Variants in AKAP13 observed in about 807,000 individuals in gnomAD.
AKAP13 encodes the protein A-kinase anchor protein 13.
Under a neutral mutation model 264.5 loss-of-function variants are expected in AKAP13, and 80 were observed. The observed-to-expected ratio is 0.30, with a 90% CI of 0.25 to 0.36. AKAP13 has a LOEUF of 0.36. Among genes scored for constraint, AKAP13 ranks in the 10% least tolerant of loss-of-function variants. The pLI, the probability that AKAP13 is intolerant of heterozygous loss-of-function variation, is 1.00. For missense variants in AKAP13, 3,712 were observed against 3,435.2 expected, an observed-to-expected ratio of 1.08 and a Z score of -2.01; for synonymous variants, 1,380 against 1,250.2, an observed-to-expected ratio of 1.10 and a Z score of -2.19.
intron 3 of AKAP13, among the ~76,000 whole-genome samples, chr15:85,531,195 CT>C (rs1442494867): frequency 6.6e-6 from 1 of 152,202 alleles, no homozygotes; most frequent in African/African-American, 2.4e-5. Flanking sequence ...TTTGTGAAAT[CT>C]TCCTGCTTTT....
intron 5 of AKAP13, among the ~76,000 whole-genome samples, chr15:85,574,294 C>T (rs1366049124): frequency 6.6e-6 from 1 of 152,188 alleles, no homozygotes; most frequent in African/African-American, 2.4e-5. Context: ...CTTTCATCTG[C>T]TGCAAAAAAG....
At chr15:85,692,636 C>T (rs974286225) in intron 16 of AKAP13, among the ~76,000 whole-genome samples, 5 of 152,010 alleles carry the variant, frequency 3.3e-5, no homozygotes, top group Non-Finnish European at 5.9e-5. Flanking sequence ...CTCCTCTTGC[C>T]GGTTTGAAAA....
At position 85,506,688 on chromosome 15, in the gene AKAP13, G is replaced by A. The variant is rs1178960150; in HGVS notation, c.34-14740G>A. The stretch of plus-strand genomic sequence containing the variant: ...GTCAGGGATGACCTCACTGCTAAGG[G>A]GACATATGAAGACCAATGGTTATTA... On this transcript the variant is annotated intron_variant, in intron 2 of 36. Transcript: ENST00000394518. 3.3e-5 allele frequency among the ~76,000 whole-genome samples: 5 copies of A among 152,154 alleles called. No homozygotes were observed. The East Asian group carries it at 9.6e-4, about 29-fold the overall frequency.
chr15:85,658,912 A>G (rs1239621736), intron 12 of AKAP13, among the ~76,000 whole-genome samples: 1 of 152,156 alleles, frequency 6.6e-6, no homozygotes, highest in Non-Finnish European at 1.5e-5. Flanking sequence ...AGAATTGTCT[A>G]TGTCGTGCCT....
chr15:85,442,498 T>TATA (rs1196606044), intron 1 of AKAP13, among the ~76,000 whole-genome samples: 1 of 107,534 alleles, frequency 9.3e-6, no homozygotes, highest in African/African-American at 3.7e-5. Context: ...ATAATATATA[T>TATA]TATATTATAT....
rs902161164 is a variant in AKAP13, at chr15:85,718,876, G to C, written c.6002-200G>C. 1.6e-6 allele frequency: 1 copy of C among 617,690 alleles called. No homozygotes were observed. The highest frequency in any genetic ancestry group is 1.9e-5 in the African/African-American group (1 of 53,560). 38.3% of individuals were successfully genotyped at this position (617,690 alleles called of 1,614,324 possible). The stretch of plus-strand genomic sequence containing the variant: ...GACTTCAGCCTGCACTTCAGCCTGG[G>C]TGACAGAGCCAGAACCTGTCTTAAA... On this transcript the variant is annotated intron_variant, in intron 22 of 36. Coordinates refer to ENST00000394518, the MANE Select transcript of AKAP13 (RefSeq NM_007200.5). The surrounding 1 kb of genome is among the most constrained non-coding windows in gnomAD (Gnocchi z 4.9).
rs1220237865 is a variant in AKAP13, at chr15:85,580,646, A to T, written c.2578A>T (p.Met860Leu). 6 of 1,614,078 alleles carry T rather than the reference A, an allele frequency of 3.7e-6. No individual in the cohort carries two copies. The highest frequency in any genetic ancestry group is 5.1e-6 in the Non-Finnish European group (6 of 1,180,042). The stretch of plus-strand genomic sequence containing the variant: ...CACTGCTGCAGAGCTTCAGCACGGG[A>T]TGGGGAATACCAGTCTCACAGGACT... ...SSTAAELQHG[M>L]GNTSLTGLGG... The change falls in exon 7 of 37, where the codon ATG (methionine) becomes TTG (leucine). Residue 860 changes from methionine to leucine, a missense_variant. Physicochemically the swap from Met to Leu is conservative, Grantham distance 15. Coordinates refer to ENST00000394518, the MANE Select transcript of AKAP13 (RefSeq NM_007200.5).
rs978303289 is a variant in AKAP13, at chr15:85,718,419, C to G, written c.6001+260C>G. Among the ~76,000 whole-genome samples, 3 of 152,112 alleles carry G rather than the reference C, an allele frequency of 2.0e-5. No homozygotes were observed. Among genetic ancestry groups the G allele is most frequent in the African/African-American group, 7.2e-5 (3 of 41,416 alleles). ...ATACAGCAGTCCTAGAAAGAGATAT[C>G]TCAGTTTTTTTCCTTACCTACACTA... On this transcript the variant is annotated intron_variant, in intron 22 of 36. Transcript: ENST00000394518. The surrounding 1 kb of genome is among the most constrained non-coding windows in gnomAD (Gnocchi z 4.9).
At chr15:85,521,096 A>G (rs1994158) in intron 2 of AKAP13, among the ~76,000 whole-genome samples, 33,248 of 152,094 alleles carry the variant, frequency 0.22, 3,881 homozygotes, top group African/African-American at 0.31. Context: ...ATTTTCTTCT[A>G]TGTCTCCCCC....
intron 1 of AKAP13, among the ~76,000 whole-genome samples, chr15:85,472,926 T>C (rs542035497): frequency 4.6e-5 from 7 of 152,322 alleles, no homozygotes; most frequent in African/African-American, 1.7e-4. Flanking sequence ...TTTAAATATT[T>C]AATATATGTG....
intron 8 of AKAP13, among the ~76,000 whole-genome samples, chr15:85,594,876 T>C (rs1204096237): frequency 6.6e-6 from 1 of 152,184 alleles, no homozygotes; most frequent in African/African-American, 2.4e-5. Context: ...GAAGAGTAAA[T>C]GTGTACACTA....
intron 12 of AKAP13, 136 bp downstream of exon 12, chr15:85,658,726 T>C (rs2083209897): frequency 1.8e-6 from 1 of 561,278 alleles, no homozygotes; most frequent in East Asian, 3.2e-5. Flanking sequence ...AAATAAAATA[T>C]AGGTACTTAT....
At chr15:85,739,703 G>A (rs11630179) in intron 33 of AKAP13, among the ~76,000 whole-genome samples, 29,393 of 151,714 alleles carry the variant, frequency 0.19, 3,777 homozygotes, top group Middle Eastern at 0.43. Flanking sequence ...ATAGGATCTC[G>A]CTGTCTTGCC....
At chr15:85,394,567 A>G (rs1420197829) in intron 1 of AKAP13, among the ~76,000 whole-genome samples, 3 of 152,230 alleles carry the variant, frequency 2.0e-5, no homozygotes, top group African/African-American at 4.8e-5. Context: ...TAATAGCTCT[A>G]TAACTAGATA....
At chr15:85,729,048 C>T (rs908468179) in intron 29 of AKAP13, among the ~76,000 whole-genome samples, 1 of 152,014 alleles carries the variant, frequency 6.6e-6, no homozygotes, top group Non-Finnish European at 1.5e-5. Context: ...TGCCTGTAAT[C>T]CCAGCACTTT....
At chr15:85,675,538 G>A (rs1013261723) in intron 14 of AKAP13, among the ~76,000 whole-genome samples, 3 of 152,094 alleles carry the variant, frequency 2.0e-5, no homozygotes, top group African/African-American at 7.2e-5. Flanking sequence ...ACTCTTTTCC[G>A]TACACCAGGC....
At position 85,727,027 on chromosome 15, in the gene AKAP13, G is replaced by A. The variant is rs539811993; in HGVS notation, c.6823-39G>A. 3.1e-6 allele frequency: 5 copies of A among 1,609,674 alleles called. No homozygotes were observed. In the South Asian group the frequency reaches 5.5e-5, roughly 18 times the overall value. ...AGCTGTCCTTCAGAGTTAGAATATT[G>A]TATATGTATCTTTTATTTGCCCTCT... On this transcript the variant is annotated intron_variant, in intron 27 of 36. Transcript: ENST00000394518. This position sits in a 1 kb window ranked among gnomAD's most constrained non-coding sequence, Gnocchi z 5.3.
intron 19 of AKAP13, among the ~76,000 whole-genome samples, chr15:85,711,908 C>T (rs1201118369): frequency 6.6e-6 from 1 of 152,174 alleles, no homozygotes; most frequent in Non-Finnish European, 1.5e-5. Flanking sequence ...TCATAGCTCA[C>T]TGTAACCTCA....
chr15:85,630,757 C>T (rs917947344), intron 8 of AKAP13, among the ~76,000 whole-genome samples: 1 of 151,930 alleles, frequency 6.6e-6, no homozygotes. Flanking sequence ...CCATGTCACA[C>T]CTACTGTGGT....
Sources: allele counts gnomAD v4.1 joint callset (sites outside exome capture counted in the v4.1 genomes callset), GRCh38; gene constraint gnomAD v4.1.1; non-coding constraint Gnocchi (gnomAD v3.1); transcripts MANE v1.5; gene names NCBI Gene and HGNC (gene_info 2026-07-23, HGNC 2026-07-21).